PREX1: variants seen among roughly 807,000 people sequenced by gnomAD.
PREX1 encodes phosphatidylinositol-3,4,5-trisphosphate dependent Rac exchange factor 1, also known as phosphatidylinositol 3,4,5-trisphosphate-dependent Rac exchanger 1 protein.
In PREX1, 41 loss-of-function variants were observed where a neutral mutation model predicts 198.3. The ratio of observed to expected loss-of-function variants is 0.21; its 90% confidence interval spans 0.16 to 0.27. The LOEUF is 0.27. Ranked by LOEUF, PREX1 falls within the 10% of genes least tolerant of loss-of-function variation. The pLI is 1.00. For missense variants in PREX1, 1,620 were observed against 2,200.7 expected, an observed-to-expected ratio of 0.74 and a Z score of 5.28; for synonymous variants, 843 against 887.2, an observed-to-expected ratio of 0.95 and a Z score of 0.89.
Position 48,639,800 on chromosome 20 carries a change from C to A in PREX1, c.3870G>T (p.Lys1290Asn), listed in dbSNP as rs1304988643. The A allele has an allele frequency of 1.2e-6, 2 of 1,614,104 alleles. No individual in the cohort carries two copies. The highest frequency in any genetic ancestry group is 2.2e-5 in the South Asian group (2 of 91,076). Residue 1290 changes from lysine to asparagine, a missense_variant, in exon 30 of 40, where the codon AAG (lysine) becomes AAT (asparagine). By Grantham distance (94) the Lys-to-Asn change is moderately conservative. Coordinates refer to ENST00000371941, the MANE Select transcript of PREX1 (RefSeq NM_020820.4). ...EDPWNLPNSIKTLVDNIQRYV... is the reference protein window; with the variant it reads ...EDPWNLPNSINTLVDNIQRYV... Reference sequence around the variant, plus strand: ...ATCTCTGAATGTTGTCCACCAGGGTCTTGATGGAGTTGGGGAGGTTCCAGG... The same window carrying A: ...ATCTCTGAATGTTGTCCACCAGGGTATTGATGGAGTTGGGGAGGTTCCAGG...
At position 48,647,123 on chromosome 20, in the gene PREX1, G is replaced by C. The variant is rs148017583; in HGVS notation, c.3306-1066C>G. On this transcript the variant is annotated intron_variant, in intron 25 of 39. Coordinates refer to ENST00000371941, the MANE Select transcript of PREX1 (RefSeq NM_020820.4). ...CATGTGCCTGTAGTCCTAGTCACTT[G>C]GGAGGCTGAGGCAGGAGGATCACTT... Among the ~76,000 whole-genome samples, 11 of 152,334 alleles carry C rather than the reference G, an allele frequency of 7.2e-5. No homozygotes were observed. In the East Asian group the frequency reaches 1.9e-3, roughly 27 times the overall value.
Position 48,645,834 on chromosome 20 carries a change from C to A in PREX1, c.3512+17G>T. 6.2e-7 allele frequency: 1 copy of A among 1,613,008 alleles called. No homozygotes were observed. The highest frequency in any genetic ancestry group is 2.2e-5 in the East Asian group (1 of 44,842). ...GCCATCCTCATCTAACCTCAGCCCC[C>A]TGACGGTGACACCCACCTGTAGGAG... On this transcript the variant is annotated intron_variant, in intron 26 of 39. Transcript: ENST00000371941.
chr20:48,647,633 G>A (rs2089461273), intron 25 of PREX1, among the ~76,000 whole-genome samples: 1 of 151,830 alleles, frequency 6.6e-6, no homozygotes. Flanking sequence ...AGCATGATTA[G>A]CCCCATTTGA....
At chr20:48,775,442 A>G (rs570448012) in intron 1 of PREX1, among the ~76,000 whole-genome samples, 2 of 152,192 alleles carry the variant, frequency 1.3e-5, no homozygotes, top group African/African-American at 4.8e-5. Context: ...AAGGGAGAGC[A>G]CACCATGGGC....
At chr20:48,709,034 C>T (rs1157338223) in intron 5 of PREX1, among the ~76,000 whole-genome samples, 1 of 152,156 alleles carries the variant, frequency 6.6e-6, no homozygotes, top group Non-Finnish European at 1.5e-5. Flanking sequence ...CCACCGTTTC[C>T]CACTGCCAGC....
chr20:48,770,872 G>A (rs1215510698), intron 1 of PREX1, among the ~76,000 whole-genome samples: 1 of 152,178 alleles, frequency 6.6e-6, no homozygotes, highest in Non-Finnish European at 1.5e-5. Flanking sequence ...TGGAAATGCT[G>A]ATTCCTGGGC....
intron 10 of PREX1, among the ~76,000 whole-genome samples, chr20:48,683,741 A>G (rs1372231864): frequency 6.6e-6 from 1 of 152,210 alleles, no homozygotes; most frequent in Non-Finnish European, 1.5e-5. Context: ...ATTTCCTGTG[A>G]AATCTCCCCA....
chr20:48,770,377 G>A (rs2090229883), intron 1 of PREX1, among the ~76,000 whole-genome samples: 1 of 152,140 alleles, frequency 6.6e-6, no homozygotes, highest in Non-Finnish European at 1.5e-5. Flanking sequence ...CAGCTCAGAG[G>A]AGGTCAGGGA....
intron 1 of PREX1, among the ~76,000 whole-genome samples, chr20:48,814,658 C>G (rs1278176833): frequency 6.6e-6 from 1 of 152,138 alleles, no homozygotes; most frequent in African/African-American, 2.4e-5. Context: ...TCTAAGCCAT[C>G]ATAAGGAGCT....
intron 1 of PREX1, among the ~76,000 whole-genome samples, chr20:48,754,727 G>C (rs998843275): frequency 6.6e-6 from 1 of 151,614 alleles, no homozygotes; most frequent in Non-Finnish European, 1.5e-5. Flanking sequence ...GGGAGCTCCA[G>C]AACACAGCCA....
chr20:48,677,422 CCT>C (rs1710127212), intron 13 of PREX1, among the ~76,000 whole-genome samples: 1 of 152,118 alleles, frequency 6.6e-6, no homozygotes, highest in Admixed American at 6.6e-5. Context: ...ATCAGGTCAC[CCT>C]CTCTCCCTTC....
intron 7 of PREX1, among the ~76,000 whole-genome samples, chr20:48,700,163 T>C (rs750290403): frequency 6.6e-6 from 1 of 152,240 alleles, no homozygotes; most frequent in African/African-American, 2.4e-5. Flanking sequence ...GTGAAGAAAC[T>C]ATCCTGACCC....
At chr20:48,642,386 G>A (rs2089421441) in intron 28 of PREX1, 21 bp downstream of exon 28, 1 of 1,610,580 alleles carries the variant, frequency 6.2e-7, no homozygotes, top group East Asian at 2.2e-5. Context: ...AGTTGCGCCA[G>A]GAGTGGGGCA....
chr20:48,765,516 C>T (rs950081387), intron 1 of PREX1, among the ~76,000 whole-genome samples: 5 of 152,172 alleles, frequency 3.3e-5, no homozygotes, highest in African/African-American at 1.2e-4. Context: ...CCAGCTGCAA[C>T]ACATATTAAG....
At chr20:48,802,954 C>A (rs1395501884) in intron 1 of PREX1, among the ~76,000 whole-genome samples, 1 of 152,186 alleles carries the variant, frequency 6.6e-6, no homozygotes, top group Admixed American at 6.5e-5. Flanking sequence ...CGCCTTAGAC[C>A]CCCACCACCC....
At chr20:48,673,998 AG>A (rs2089692985) in intron 14 of PREX1, among the ~76,000 whole-genome samples, 1 of 152,232 alleles carries the variant, frequency 6.6e-6, no homozygotes, top group South Asian at 2.1e-4. Context: ...TCACTAACCT[AG>A]GAAGTAGCAA....
At chr20:48,885,408 G>C in the PREX1 span, among the ~76,000 whole-genome samples, 2 of 152,212 alleles carry the variant, frequency 1.3e-5, no homozygotes, top group African/African-American at 2.4e-5. Context: ...AACACCAAAT[G>C]CTGGCAAGGA....
intron 1 of PREX1, among the ~76,000 whole-genome samples, chr20:48,783,879 C>T (rs1049199045): frequency 2.6e-5 from 4 of 152,174 alleles, no homozygotes; most frequent in Non-Finnish European, 5.9e-5. Context: ...GATTCCTGCT[C>T]AAACAGCTCA....
Position 48,693,802 on chromosome 20 carries a change from G to A in PREX1, c.918-1012C>T, listed in dbSNP as rs183732910. Among the ~76,000 whole-genome samples the A allele has an allele frequency of 1.6e-3, 237 of 151,466 alleles. 1 individual carries two copies. Among genetic ancestry groups the A allele is most frequent in the African/African-American group, 5.5e-3 (225 of 41,266 alleles). ...TTTTTATATTTTTAGTACAGACAGG[G>A]TTTCACTGTGTTAGCCAGGATGGTC... On this transcript the variant is annotated intron_variant, in intron 7 of 39. Transcript: ENST00000371941.
Sources: gnomAD v4.1 joint callset for allele counts (sites outside exome capture counted in the v4.1 genomes callset) on GRCh38, gnomAD v4.1.1 for gene constraint, MANE v1.5 for transcripts, NCBI Gene and HGNC (gene_info 2026-07-23, HGNC 2026-07-21) for gene names.